TRIM71: variants seen among roughly 807,000 people sequenced by gnomAD.
The protein encoded by TRIM71 is tripartite motif containing 71, also known as E3 ubiquitin-protein ligase TRIM71.
TRIM71 carries 9 observed loss-of-function variants against 61.2 expected under a neutral mutation model. The ratio of observed to expected loss-of-function variants is 0.15; its 90% CI spans 0.09 to 0.26. The LOEUF (loss-of-function observed/expected upper bound fraction) is 0.26. Ranked by LOEUF, TRIM71 falls within the 10% of genes least tolerant of loss-of-function variation. The pLI is 1.00. For synonymous variants in TRIM71, 645 were observed against 553.2 expected (o/e 1.17, Z -2.33); for missense variants, 998 against 1,238.7 (o/e 0.81, Z 2.92).
intron 2 of TRIM71, among the ~76,000 whole-genome samples, chr3:32,880,026 A>T (rs1245430819): frequency 6.6e-6 from 1 of 151,844 alleles, no homozygotes; most frequent in Non-Finnish European, 1.5e-5. Flanking sequence ...AAAATGAGGT[A>T]TGGCTATAGT....
chr3:32,824,826 G>A (rs776131712), intron 1 of TRIM71, among the ~76,000 whole-genome samples: 1 of 151,656 alleles, frequency 6.6e-6, no homozygotes, highest in Non-Finnish European at 1.5e-5. Flanking sequence ...ATGGAGTCTC[G>A]CTGTGTCACC....
chr3:32,869,455 A>G (rs1425658248), intron 1 of TRIM71, among the ~76,000 whole-genome samples: 1 of 152,206 alleles, frequency 6.6e-6, no homozygotes. Context: ...CCTGAAGCTC[A>G]TTCTTTCAGA....
chr3:32,868,700 T>TAAA (rs1230451614), intron 1 of TRIM71, among the ~76,000 whole-genome samples: 9 of 150,408 alleles, frequency 6.0e-5, no homozygotes, highest in Admixed American at 2.0e-4. Context: ...TTTTTTTTTT[T>TAAA]AAAAAACTGT....
At position 32,892,719 on chromosome 3, in the gene TRIM71, A is replaced by G. The variant is rs151002435; in HGVS notation, c.*908A>G. ...GGTAGCTCAGGATTTTTGATTAAAC[A>G]TATTCTCAAAAGTTATGCTTTCTTA... On this transcript the variant is annotated 3_prime_UTR_variant, in exon 4 of 4. Transcript: ENST00000383763. 1.9e-3 allele frequency: 282 copies of G among 152,314 alleles called. No homozygotes were observed. The highest frequency in any genetic ancestry group is 6.4e-3 in the African/African-American group (265 of 41,582). The allele number at this position is 152,314 out of a possible 1,614,324, so 9.4% of individuals were successfully genotyped here.
rs534571596 is a variant in TRIM71, at chr3:32,854,017, A to G, written c.853-19801A>G. 1.2e-4 allele frequency among the ~76,000 whole-genome samples: 18 copies of G among 151,648 alleles called. No individual in the cohort carries two copies. In the East Asian group the frequency reaches 3.5e-3, roughly 29 times the overall value. ...AGACTCCCATCTCAAAAAAAAAAAAAGGAAAGAAAAGTCTTGGTGTTGGCC... is the reference window on the plus strand; with the variant it reads ...AGACTCCCATCTCAAAAAAAAAAAAGGGAAAGAAAAGTCTTGGTGTTGGCC... On this transcript the variant is annotated intron_variant, in intron 1 of 3. Coordinates refer to ENST00000383763, the MANE Select transcript of TRIM71 (RefSeq NM_001039111.3).
At chr3:32,824,994 C>T (rs925754677) in intron 1 of TRIM71, among the ~76,000 whole-genome samples, 1 of 152,086 alleles carries the variant, frequency 6.6e-6, no homozygotes, top group African/African-American at 2.4e-5. Context: ...GGTGTTTCAC[C>T]ATGTTGGCCA....
intron 1 of TRIM71, among the ~76,000 whole-genome samples, chr3:32,823,985 G>A (rs1258251146): frequency 3.9e-5 from 6 of 152,102 alleles, no homozygotes; most frequent in African/African-American, 1.4e-4. Context: ...TGAGGCAGGA[G>A]CATTGCTTGA....
At chr3:32,860,121 TCCTCCCCTCCCCTCTTC>T (rs1251809524) in intron 1 of TRIM71, among the ~76,000 whole-genome samples, 1 of 120,334 alleles carries the variant, frequency 8.3e-6, no homozygotes, top group African/African-American at 3.2e-5. Flanking sequence ...CCCTCTCCTC[TCCTCCCCTCCCCTCTTC>T]CCTCCCCTCT....
intron 2 of TRIM71, among the ~76,000 whole-genome samples, chr3:32,879,100 C>T (rs998751506): frequency 1.2e-4 from 19 of 152,204 alleles, no homozygotes; most frequent in Admixed American, 1.1e-3. Context: ...TAAACCGTAT[C>T]ACTCATCCTG....
chr3:32,855,627 T>G (rs769223426), intron 1 of TRIM71, among the ~76,000 whole-genome samples: 3 of 152,094 alleles, frequency 2.0e-5, no homozygotes, highest in Non-Finnish European at 4.4e-5. Context: ...GAAGCAGTGT[T>G]CCCTAGAGGG....
Position 32,818,740 on chromosome 3 carries a change from C to G in TRIM71, c.660C>G (p.Cys220Trp), listed in dbSNP as rs766064181. ...GCCTCGACTGCCAGGAGCACCTGTG[C>G]GACAACTGCGTCCGAGCGCACCAGC... ...SRCLDCQEHL[C>W]DNCVRAHQRV... The change falls in exon 1 of 4, where the codon TGC (cysteine) becomes TGG (tryptophan). Residue 220 changes from cysteine to tryptophan, a missense_variant. Cys to Trp is a radical substitution (Grantham distance 215). This residue lies in a region of TRIM71 where 527 missense variants were observed against 427.8 expected (regional missense o/e 1.23). Transcript: ENST00000383763. The G allele has an allele frequency of 6.2e-7, 1 of 1,602,018 alleles. No homozygotes were observed. The highest frequency in any genetic ancestry group is 2.2e-5 in the East Asian group (1 of 44,682).
intron 1 of TRIM71, among the ~76,000 whole-genome samples, chr3:32,832,376 G>A (rs1696282557): frequency 6.6e-6 from 1 of 152,190 alleles, no homozygotes; most frequent in African/African-American, 2.4e-5. Context: ...CCTGAGGTGG[G>A]AGGATCACTT....
intron 3 of TRIM71, among the ~76,000 whole-genome samples, chr3:32,887,199 G>T (rs1696970316): frequency 6.6e-6 from 1 of 152,112 alleles, no homozygotes; most frequent in Non-Finnish European, 1.5e-5. Flanking sequence ...TGTGTGTGGG[G>T]GTTTCTGCCG....
In TRIM71 at chr3:32,890,578, A is replaced by G; in HGVS notation, c.1374A>G (p.Arg458=). Residue 458 remains arginine, a synonymous_variant, in exon 4 of 4, where the codon CGA becomes CGG. Coordinates refer to ENST00000383763, the MANE Select transcript of TRIM71 (RefSeq NM_001039111.3). This position sits in a 1 kb window ranked among gnomAD's most constrained non-coding sequence, Gnocchi z 6.2. ...RSLLQPQEDD[R]VMFTPPDQAL... Reference sequence around the variant, plus strand: ...TCCTGCAGCCCCAGGAAGACGACCGAGTCATGTTCACACCCCCCGATCAGG... The same window carrying G: ...TCCTGCAGCCCCAGGAAGACGACCGGGTCATGTTCACACCCCCCGATCAGG... The G allele has an allele frequency of 6.2e-7, 1 of 1,613,974 alleles. No homozygotes were observed. The highest frequency in any genetic ancestry group is 1.1e-5 in the South Asian group (1 of 91,070).
At chr3:32,835,708 C>A (rs2125677439) in intron 1 of TRIM71, among the ~76,000 whole-genome samples, 1 of 152,230 alleles carries the variant, frequency 6.6e-6, no homozygotes, top group East Asian at 1.9e-4. Flanking sequence ...TGAGATTTTT[C>A]TTGGGGATAT....
chr3:32,891,770 G>T lies in TRIM71; in HGVS notation c.2566G>T (p.Val856Phe). ...GIAITPDGMI[V>F]VVDFGNNRIL... The stretch of plus-strand genomic sequence containing the variant: ...CGCCATCACCCCCGACGGAATGATC[G>T]TTGTGGTGGACTTTGGCAACAATCG... Residue 856 changes from valine (V) to phenylalanine (F), a missense_variant, in exon 4 of 4, where the codon GTT becomes TTT. Val to Phe is a conservative substitution (Grantham distance 50). Transcript: ENST00000383763. This position sits in a 1 kb window ranked among gnomAD's most constrained non-coding sequence, Gnocchi z 8.2. The T allele has an allele frequency of 6.2e-7, 1 of 1,614,044 alleles. No individual in the cohort carries two copies. Among genetic ancestry groups the T allele is most frequent in the Non-Finnish European group, 8.5e-7 (1 of 1,180,036 alleles).
At chr3:32,872,261 G>A (rs563823841) in intron 1 of TRIM71, among the ~76,000 whole-genome samples, 48 of 152,182 alleles carry the variant, frequency 3.2e-4, no homozygotes, top group African/African-American at 1.0e-3. Context: ...TCCTGTTTCT[G>A]AATCGTAAAG....
intron 1 of TRIM71, among the ~76,000 whole-genome samples, chr3:32,842,199 C>T (rs554657249): frequency 3.3e-5 from 5 of 152,238 alleles, no homozygotes; most frequent in African/African-American, 1.2e-4. Flanking sequence ...AAACATTGTC[C>T]GTTTTGAAAA....
intron 1 of TRIM71, among the ~76,000 whole-genome samples, chr3:32,819,730 TGA>T (rs1463817418): frequency 6.6e-6 from 1 of 151,848 alleles, no homozygotes; most frequent in Non-Finnish European, 1.5e-5. Context: ...TTCACCAGCC[TGA>T]GTCTCTTGGG....
Sources: allele counts gnomAD v4.1 joint callset (sites outside exome capture counted in the v4.1 genomes callset), GRCh38; gene constraint gnomAD v4.1.1; regional missense constraint gnomAD v4.1.1; non-coding constraint Gnocchi (gnomAD v3.1); transcripts MANE v1.5; gene names NCBI Gene and HGNC (gene_info 2026-07-23, HGNC 2026-07-21).